UTRN: variants seen among roughly 807,000 people sequenced by gnomAD.
UTRN encodes dystrophin-related protein 1.
A neutral mutation model predicts 463.9 loss-of-function variants in UTRN; 283 were observed. The observed-to-expected ratio is 0.61, with a 90% CI of 0.55 to 0.67. UTRN has a LOEUF of 0.67. Ranked by LOEUF, UTRN falls within the 30% of genes least tolerant of loss-of-function variation. The pLI is 0.00. For synonymous variants in UTRN, 1,442 were observed against 1,431.5 expected (o/e 1.01, Z -0.17); for missense variants, 3,922 against 4,084.3 (o/e 0.96, Z 1.08).
intron 19 of UTRN, among the ~76,000 whole-genome samples, chr6:144,454,348 T>C (rs1361698336): frequency 1.3e-5 from 2 of 152,186 alleles, no homozygotes; most frequent in Non-Finnish European, 2.9e-5. Context: ...GTGTTACTTA[T>C]ATATGAAATT....
intron 52 of UTRN, among the ~76,000 whole-genome samples, chr6:144,679,272 G>T (rs1456290165): frequency 6.6e-6 from 1 of 152,086 alleles, no homozygotes; most frequent in African/African-American, 2.4e-5. Flanking sequence ...AGTATGATTA[G>T]TGTTATTGGG....
intron 23 of UTRN, among the ~76,000 whole-genome samples, chr6:144,469,829 C>T (rs1200600737): frequency 3.3e-5 from 5 of 151,540 alleles, no homozygotes; most frequent in Non-Finnish European, 7.4e-5. Flanking sequence ...CTCTGGTTTT[C>T]CTAGGCAGAG....
At chr6:144,710,937 T>A (rs1276654909) in intron 53 of UTRN, among the ~76,000 whole-genome samples, 1 of 152,230 alleles carries the variant, frequency 6.6e-6, no homozygotes, top group Non-Finnish European at 1.5e-5. Flanking sequence ...CTCATTATTT[T>A]TTTCGTGTAA....
At position 144,835,051 on chromosome 6, in the gene UTRN, T is replaced by C. The variant is rs563123169; in HGVS notation, c.9666-729T>C. ...TTGAAAGAAGATAAGAAATTCCGAG[T>C]CTGCTAGAAAGCATTTTCTTGCCAT... On this transcript the variant is annotated intron_variant, in intron 69 of 74. Coordinates refer to ENST00000367545, the MANE Select transcript of UTRN (RefSeq NM_007124.3). Among the ~76,000 whole-genome samples the C allele has an allele frequency of 4.0e-4, 61 of 152,328 alleles. 1 individual carries two copies. Among genetic ancestry groups the C allele is most frequent in the Admixed American group, 3.7e-3 (56 of 15,296 alleles).
rs985095124 is a variant in UTRN, at chr6:144,554,891, C to G, written c.7132C>G (p.Gln2378Glu). The G allele has an allele frequency of 6.2e-7, 1 of 1,613,808 alleles. No homozygotes were observed. Among genetic ancestry groups the G allele is most frequent in the Non-Finnish European group, 8.5e-7 (1 of 1,179,908 alleles). ...DPLTKQISDNQILLQELGPGD... is the reference protein window; with the variant it reads ...DPLTKQISDNEILLQELGPGD... Reference sequence around the variant, plus strand: ...ACTCACCAAACAAATTTCTGATAACCAAGTAAGACTCATCAGATATTTTTT... The same window carrying G: ...ACTCACCAAACAAATTTCTGATAACGAAGTAAGACTCATCAGATATTTTTT... The change falls in exon 49 of 75, where the codon CAA becomes GAA. Residue 2378 changes from glutamine to glutamate, a missense_variant and splice_region_variant. Coordinates refer to ENST00000367545, the MANE Select transcript of UTRN (RefSeq NM_007124.3).
At chr6:144,317,439 C>G (rs1775352196) in intron 2 of UTRN, among the ~76,000 whole-genome samples, 1 of 152,076 alleles carries the variant, frequency 6.6e-6, no homozygotes, top group Non-Finnish European at 1.5e-5. Context: ...GAGTCTTGCT[C>G]TTTTCGGAGT....
At chr6:144,783,225 CTGTTGTT>C (rs1776007311) in intron 61 of UTRN, among the ~76,000 whole-genome samples, 2 of 151,322 alleles carry the variant, frequency 1.3e-5, no homozygotes, top group East Asian at 3.9e-4. Flanking sequence ...AAAACTAGAA[CTGTTGTT>C]TTGCCTCTCA....
chr6:144,778,273 T>C (rs1315422405), intron 60 of UTRN, among the ~76,000 whole-genome samples: 1 of 152,014 alleles, frequency 6.6e-6, no homozygotes, highest in Non-Finnish European at 1.5e-5. Flanking sequence ...TATTGGGTAG[T>C]TGGTAAATTG....
rs79540776 is a variant in UTRN, at chr6:144,355,744, T to A, written c.80-47379T>A. 8.3e-4 allele frequency among the ~76,000 whole-genome samples: 126 copies of A among 152,222 alleles called. 1 individual carries two copies. Among genetic ancestry groups the A allele is most frequent in the African/African-American group, 3.0e-3 (125 of 41,556 alleles). The stretch of plus-strand genomic sequence containing the variant: ...GCCACTGTTACCCAGTTTTCCCCAC[T>A]GTTAACATCTTGTTACCCAGTTTTC... On this transcript the variant is annotated intron_variant, in intron 2 of 74. Coordinates refer to ENST00000367545, the MANE Select transcript of UTRN (RefSeq NM_007124.3).
intron 51 of UTRN, among the ~76,000 whole-genome samples, chr6:144,630,795 T>G (rs936511042): frequency 6.6e-6 from 1 of 152,192 alleles, no homozygotes; most frequent in African/African-American, 2.4e-5. Flanking sequence ...TAGGCTTGAG[T>G]TCAGTATTTA....
chr6:144,786,178 T>G (rs1032265643), intron 61 of UTRN, among the ~76,000 whole-genome samples: 2 of 152,242 alleles, frequency 1.3e-5, no homozygotes, highest in Non-Finnish European at 2.9e-5. Flanking sequence ...TCCATGTAGC[T>G]TATTTACATC....
intron 4 of UTRN, 96 bp downstream of exon 4, chr6:144,422,066 T>C: frequency 2.1e-6 from 2 of 946,116 alleles, no homozygotes; most frequent in Non-Finnish European, 1.5e-6. Context: ...GTATCCATTT[T>C]ACTTTACGTT....
chr6:144,839,442 A>G (rs1426678686), intron 72 of UTRN, among the ~76,000 whole-genome samples, 158 bp downstream of exon 72: 1 of 152,246 alleles, frequency 6.6e-6, no homozygotes, highest in Admixed American at 6.5e-5. Context: ...CATTTCAACA[A>G]TATCAAAAAG....
At chr6:144,756,798 A>C (rs1792043967) in intron 57 of UTRN, among the ~76,000 whole-genome samples, 1 of 152,126 alleles carries the variant, frequency 6.6e-6, no homozygotes, top group Non-Finnish European at 1.5e-5. Flanking sequence ...TTGCTCAGCT[A>C]GTGTTCAGAA....
chr6:144,776,706 A>G (rs1382843498), intron 60 of UTRN, among the ~76,000 whole-genome samples: 3 of 152,100 alleles, frequency 2.0e-5, no homozygotes, highest in African/African-American at 7.2e-5. Context: ...AGAAATGGCA[A>G]ACTCTGTATT....
chr6:144,825,460 G>A (rs1359520017), intron 66 of UTRN, among the ~76,000 whole-genome samples: 2 of 151,994 alleles, frequency 1.3e-5, no homozygotes, highest in East Asian at 1.9e-4. Flanking sequence ...TGAAGCCCAA[G>A]GTTTGACTTT....
Position 144,748,382 on chromosome 6 carries a change from A to C in UTRN, c.8076A>C (p.Lys2692Asn). The C allele has an allele frequency of 1.9e-6, 3 of 1,613,930 alleles. No homozygotes were observed. Among genetic ancestry groups the C allele is most frequent in the Non-Finnish European group, 2.5e-6 (3 of 1,179,938 alleles). Residue 2692 changes from lysine (K) to asparagine (N), a missense_variant, in exon 55 of 75, where the codon AAA (lysine) becomes AAC (asparagine). Around this residue, in one of 3 missense-constraint regions of UTRN, gnomAD observed 1,309 missense variants for 1,452.6 expected, o/e 0.90. Transcript: ENST00000367545. ...AGCAAGTGGACAAGGCATTGGAGAA[A>C]CTCAGAGACCTGCAGGGAGCTATGG... Reference protein sequence around the residue: ...WQKQVDKALEKLRDLQGAMDD... With the variant: ...WQKQVDKALENLRDLQGAMDD...
chr6:144,594,819 A>G (rs1459365019), intron 51 of UTRN, among the ~76,000 whole-genome samples: 1 of 152,116 alleles, frequency 6.6e-6, no homozygotes, highest in African/African-American at 2.4e-5. Flanking sequence ...GGCAACCCTG[A>G]ACACTTTCTC....
At position 144,841,980 on chromosome 6, in the gene UTRN, T is replaced by C. The variant is rs202057796; in HGVS notation, c.10270+1148T>C. On this transcript the variant is annotated intron_variant, in intron 73 of 74. Coordinates refer to ENST00000367545, the MANE Select transcript of UTRN (RefSeq NM_007124.3). ...CAAAAAGTAGCCGGGCATGGTGGCA[T>C]GCACTTGTAATCCCAGCAACTCAGG... 1.4e-4 allele frequency among the ~76,000 whole-genome samples: 22 copies of C among 151,936 alleles called. No individual in the cohort carries two copies. The East Asian group carries it at 3.9e-3, about 27-fold the overall frequency.
Sources: allele counts gnomAD v4.1 joint callset (sites outside exome capture counted in the v4.1 genomes callset), GRCh38; gene constraint gnomAD v4.1.1; regional missense constraint gnomAD v4.1.1; transcripts MANE v1.5; gene names NCBI Gene and HGNC (gene_info 2026-07-23, HGNC 2026-07-21).